Variants in LAMC2 observed in about 807,000 individuals in gnomAD.
LAMC2 encodes laminin subunit gamma-2.
A neutral mutation model predicts 140.2 loss-of-function variants in LAMC2; 97 were observed. The ratio of observed to expected loss-of-function variants is 0.69; its 90% CI spans 0.59 to 0.82. LAMC2 has a LOEUF of 0.82. Ranked by LOEUF, LAMC2 falls within the 40% of genes least tolerant of loss-of-function variation. The pLI is 0.00. For missense variants in LAMC2, 1,402 were observed against 1,476.1 expected (o/e 0.95, Z 0.82); for synonymous variants, 513 against 540.2 (o/e 0.95, Z 0.70).
intron 1 of LAMC2, among the ~76,000 whole-genome samples, chr1:183,190,225 G>A (rs748866843): frequency 1.3e-5 from 2 of 152,116 alleles, no homozygotes; most frequent in South Asian, 2.1e-4. Flanking sequence ...CACATTGCCT[G>A]GTAAGCACTT....
intron 1 of LAMC2, among the ~76,000 whole-genome samples, chr1:183,194,749 C>T (rs1226593666): frequency 2.0e-5 from 3 of 152,194 alleles, no homozygotes; most frequent in African/African-American, 4.8e-5. Context: ...CTTAGAGGGG[C>T]ATAGGATACC....
At chr1:183,253,150 T>A in the LAMC2 span, among the ~76,000 whole-genome samples, 3 of 151,290 alleles carry the variant, frequency 2.0e-5, no homozygotes, top group African/African-American at 7.3e-5. Flanking sequence ...TTGTATTGTG[T>A]ATATTTAAGT....
intron 22 of LAMC2, 176 bp downstream of exon 22, chr1:183,240,567 A>G: frequency 6.9e-7 from 1 of 1,442,460 alleles, no homozygotes. Context: ...CATTTACTGG[A>G]CCCTGTTTTA....
chr1:183,249,633 C>CCTGG (rs1468526853), downstream of LAMC2: 4 of 150,456 alleles, frequency 2.7e-5, no homozygotes, highest in African/African-American at 7.4e-5. Flanking sequence ...AATGTCCTGT[C>CCTGG]CTGGATTTAG....
At chr1:183,240,740 C>T in intron 22 of LAMC2, 1 of 1,139,328 alleles carries the variant, frequency 8.8e-7, no homozygotes, top group Non-Finnish European at 1.1e-6. Context: ...CAGTTTTAAG[C>T]AGAGGAATAA....
rs1410325472 is a variant in LAMC2, at chr1:183,225,678, A to T, written c.1024A>T (p.Asn342Tyr). ...SYFEYRRLLR[N>Y]LTALRIRATY... ...CTTTGAGTATCGAAGGTTACTGCGG[A>T]ATCTCACAGCCCTCCGCATCCGAGC... Residue 342 changes from asparagine (N) to tyrosine (Y), a missense_variant, in exon 8 of 23, where the codon AAT becomes TAT. Coordinates refer to ENST00000264144, the MANE Select transcript of LAMC2 (RefSeq NM_005562.3). 1.2e-6 allele frequency: 2 copies of T among 1,614,060 alleles called. No individual in the cohort carries two copies. The highest frequency in any genetic ancestry group is 1.7e-5 in the Admixed American group (1 of 60,026).
intron 1 of LAMC2, among the ~76,000 whole-genome samples, chr1:183,202,571 A>G (rs1384376858): frequency 2.0e-5 from 3 of 152,244 alleles, no homozygotes; most frequent in African/African-American, 4.8e-5. Flanking sequence ...ACATTGTGCC[A>G]TAAGAAAAAC....
At chr1:183,197,260 C>T (rs1211954402) in intron 1 of LAMC2, among the ~76,000 whole-genome samples, 2 of 152,186 alleles carry the variant, frequency 1.3e-5, no homozygotes, top group Non-Finnish European at 2.9e-5. Flanking sequence ...GTTAAATAGG[C>T]AGGTGAGAAA....
the LAMC2 span, chr1:183,250,379 T>A: frequency 6.6e-6 from 1 of 152,262 alleles, no homozygotes; most frequent in Admixed American, 6.5e-5. Context: ...CCTTCCTTAC[T>A]ATCACACCCT....
At chr1:183,200,671 G>A (rs1211787366) in intron 1 of LAMC2, among the ~76,000 whole-genome samples, 4 of 152,250 alleles carry the variant, frequency 2.6e-5, no homozygotes, top group Admixed American at 6.5e-5. Flanking sequence ...ACCTGTTGGA[G>A]CTGCGTGTTT....
intron 1 of LAMC2, among the ~76,000 whole-genome samples, chr1:183,205,781 A>G (rs1308296770): frequency 6.7e-6 from 1 of 148,804 alleles, no homozygotes; most frequent in African/African-American, 2.4e-5. Flanking sequence ...TGGATAAATA[A>G]AAGAATAAAA....
Position 183,236,509 on chromosome 1 carries a change from C to T in LAMC2, c.2506C>T (p.Gln836Ter), listed in dbSNP as rs1366302943. Residue 836 changes from glutamine (Q) to a stop codon, truncating the protein, a stop_gained, in exon 17 of 23, where the codon CAA becomes TAA. Coordinates refer to ENST00000264144, the MANE Select transcript of LAMC2 (RefSeq NM_005562.3). LOFTEE classifies it high-confidence loss of function. ...CCAGCAGTTGACAAGGGAGGCCACT[C>T]AAGCGGAAATTGAAGCAGATAGGTC... ...LAQQLTREAT[Q>*]AEIEADRSYQ... The T allele has an allele frequency of 6.2e-7, 1 of 1,613,926 alleles. No homozygotes were observed. The highest frequency in any genetic ancestry group is 1.1e-5 in the South Asian group (1 of 91,074).
At chr1:183,217,444 T>C (rs1659308104) in intron 3 of LAMC2, among the ~76,000 whole-genome samples, 1 of 151,908 alleles carries the variant, frequency 6.6e-6, no homozygotes, top group South Asian at 2.1e-4. Flanking sequence ...CCAAGAGAAA[T>C]GAGAAGGTAG....
the LAMC2 span, among the ~76,000 whole-genome samples, chr1:183,256,805 A>C: frequency 6.6e-6 from 1 of 152,064 alleles, no homozygotes; most frequent in Non-Finnish European, 1.5e-5. Flanking sequence ...GCTGGAGTGC[A>C]GCAGCGCATG....
chr1:183,224,033 T>A (rs1659553416), intron 7 of LAMC2, among the ~76,000 whole-genome samples: 1 of 152,162 alleles, frequency 6.6e-6, no homozygotes, highest in Non-Finnish European at 1.5e-5. Context: ...GTACAATGTA[T>A]AACATGTCAA....
At chr1:183,199,025 A>G in intron 1 of LAMC2, among the ~76,000 whole-genome samples, 1 of 144,598 alleles carries the variant, frequency 6.9e-6, no homozygotes, top group East Asian at 2.2e-4. Flanking sequence ...TGTGTAATGT[A>G]TTGGGGAAAT....
At chr1:183,218,594 G>T (rs1156383324) in intron 4 of LAMC2, 106 bp downstream of exon 4, 1 of 850,410 alleles carries the variant, frequency 1.2e-6, no homozygotes, top group African/African-American at 1.7e-5. Context: ...CTTGACAAAC[G>T]TTGATGACCT....
In LAMC2 at chr1:183,244,701, A is replaced by G. The variant is rs1267368531; in HGVS notation, c.*1301A>G. 2 of 152,576 alleles carry G rather than the reference A, an allele frequency of 1.3e-5. No homozygotes were observed. Among genetic ancestry groups the G allele is most frequent in the Non-Finnish European group, 2.9e-5 (2 of 68,042 alleles). 9.5% of individuals were successfully genotyped at this position (152,576 alleles called of 1,614,324 possible). ...GCTGACAGAGCTCTGGGTTGTGCAC[A>G]TTTCTTTGCATTCCAGCTGTCACTC... is the stretch of plus-strand genomic sequence containing the variant. On this transcript the variant is annotated 3_prime_UTR_variant, in exon 23 of 23. Coordinates refer to ENST00000264144, the MANE Select transcript of LAMC2 (RefSeq NM_005562.3).
intron 19 of LAMC2, among the ~76,000 whole-genome samples, chr1:183,238,691 C>G (rs1053879944): frequency 2.0e-5 from 3 of 152,178 alleles, no homozygotes; most frequent in Non-Finnish European, 4.4e-5. Flanking sequence ...AGTCATGTAA[C>G]CTTTCCAGAA....
Sources: allele counts gnomAD v4.1 joint callset (sites outside exome capture counted in the v4.1 genomes callset), GRCh38; gene constraint gnomAD v4.1.1; transcripts MANE v1.5; gene names NCBI Gene and HGNC (gene_info 2026-07-23, HGNC 2026-07-21).